The following TAFA2 variants were observed in gnomAD, a reference collection of about 807,000 sequenced individuals.
TAFA2 encodes chemokine-like protein TAFA-2.
Under a neutral mutation model 18.8 loss-of-function variants are expected in TAFA2, and 7 were observed. That is an observed-to-expected ratio of 0.37 (90% CI 0.21 to 0.70). TAFA2 has a LOEUF of 0.70. Among genes scored for constraint, TAFA2 ranks in the 30% least tolerant of loss-of-function variants. TAFA2 has a pLI of 0.53. For synonymous variants in TAFA2, 60 were observed against 54.2 expected (o/e 1.11, Z -0.47); for missense variants, 122 against 158.1 (o/e 0.77, Z 1.23).
chr12:61,927,424 G>C (rs1877351268), intron 1 of TAFA2, among the ~76,000 whole-genome samples: 1 of 152,032 alleles, frequency 6.6e-6, no homozygotes, highest in African/African-American at 2.4e-5. Flanking sequence ...TAGCTACAAA[G>C]AGAATAAAAT....
chr12:61,892,698 G>A (rs1490629036), intron 1 of TAFA2, among the ~76,000 whole-genome samples: 3 of 152,130 alleles, frequency 2.0e-5, no homozygotes, highest in Non-Finnish European at 4.4e-5. Flanking sequence ...TATTACCTGG[G>A]TATGGTGGCA....
intron 4 of TAFA2, among the ~76,000 whole-genome samples, chr12:61,724,383 T>G (rs960442066): frequency 1.3e-5 from 2 of 151,778 alleles, no homozygotes; most frequent in African/African-American, 2.4e-5. Flanking sequence ...CTTCCTTCCT[T>G]TCTTCCTTCC....
intron 1 of TAFA2, among the ~76,000 whole-genome samples, chr12:61,871,338 A>G (rs1475733898): frequency 1.3e-5 from 2 of 152,180 alleles, no homozygotes; most frequent in African/African-American, 4.8e-5. Flanking sequence ...ACAGCACAAA[A>G]GGAGGGACAT....
At chr12:61,801,670 C>T (rs1367431979) in intron 2 of TAFA2, among the ~76,000 whole-genome samples, 3 of 151,870 alleles carry the variant, frequency 2.0e-5, no homozygotes, top group South Asian at 4.1e-4. Flanking sequence ...AAGAAAGCAT[C>T]GGGGTAATGC....
At chr12:61,938,473 T>A (rs956368088) in intron 1 of TAFA2, among the ~76,000 whole-genome samples, 2 of 151,950 alleles carry the variant, frequency 1.3e-5, no homozygotes, top group South Asian at 2.1e-4. Flanking sequence ...TACTTGAGGG[T>A]GGAGAATAAG....
chr12:61,804,354 T>C (rs1356158776), intron 2 of TAFA2, among the ~76,000 whole-genome samples: 1 of 152,038 alleles, frequency 6.6e-6, no homozygotes, highest in Non-Finnish European at 1.5e-5. Context: ...TTGCCATAAA[T>C]GAAGACATTC....
intron 1 of TAFA2, among the ~76,000 whole-genome samples, chr12:62,107,237 A>T (rs924187107): frequency 2.3e-4 from 28 of 124,426 alleles, no homozygotes; most frequent in East Asian, 1.0e-3. Context: ...ACACTTTTTT[A>T]AAAAAGGGAT....
At chr12:62,143,869 C>G (rs1449666949) in intron 1 of TAFA2, among the ~76,000 whole-genome samples, 1 of 150,870 alleles carries the variant, frequency 6.6e-6, no homozygotes, top group Non-Finnish European at 1.5e-5. Context: ...GTGGCAAAAC[C>G]CTCTCTCTAC....
At chr12:62,193,985 G>T (rs1444712828), upstream of TAFA2, among the ~76,000 whole-genome samples, 1 of 152,086 alleles carries the variant, frequency 6.6e-6, no homozygotes, top group Non-Finnish European at 1.5e-5. Context: ...GTAACTAATT[G>T]CTCTATGGCA....
chr12:61,794,033 A>G (rs1450487977), intron 2 of TAFA2, among the ~76,000 whole-genome samples: 2 of 151,962 alleles, frequency 1.3e-5, no homozygotes, highest in African/African-American at 2.4e-5. Context: ...TCAGCAAACT[A>G]GGTATAGAAA....
intron 1 of TAFA2, among the ~76,000 whole-genome samples, chr12:61,976,617 C>T (rs1407526071): frequency 2.6e-5 from 4 of 151,844 alleles, no homozygotes; most frequent in Admixed American, 2.6e-4. Flanking sequence ...TATATATGTG[C>T]CATGTTGGTG....
intron 4 of TAFA2, among the ~76,000 whole-genome samples, chr12:61,721,927 C>G (rs1869919948): frequency 7.4e-6 from 1 of 135,192 alleles, no homozygotes; most frequent in Non-Finnish European, 1.7e-5. Flanking sequence ...TGCACTCCAG[C>G]CTGGGTGACA....
At chr12:62,213,082 G>A (rs1442942184) in intron 1 of TAFA2, among the ~76,000 whole-genome samples, 2 of 152,128 alleles carry the variant, frequency 1.3e-5, no homozygotes, top group East Asian at 1.9e-4. Context: ...TCATACCCGG[G>A]AGCCACTATA....
At chr12:61,974,635 C>A (rs973695703) in intron 1 of TAFA2, among the ~76,000 whole-genome samples, 1 of 151,776 alleles carries the variant, frequency 6.6e-6, no homozygotes, top group Non-Finnish European at 1.5e-5. Context: ...GTTGCAGCAG[C>A]AGTGCCACCA....
intron 1 of TAFA2, among the ~76,000 whole-genome samples, chr12:61,948,748 G>T (rs1327976621): frequency 6.6e-6 from 1 of 152,168 alleles, no homozygotes; most frequent in Non-Finnish European, 1.5e-5. Flanking sequence ...TTGGGTGTTT[G>T]CATTGTAATC....
intron 1 of TAFA2, among the ~76,000 whole-genome samples, chr12:62,202,821 C>CTTT (rs71083986): frequency 0.13 from 7,939 of 61,584 alleles, 2,009 homozygotes; most frequent in East Asian, 0.21. Context: ...CTGTGTGGTT[C>CTTT]TTTTTTTTTT....
At chr12:61,971,914 A>T (rs777400738) in intron 1 of TAFA2, among the ~76,000 whole-genome samples, 20 of 151,820 alleles carry the variant, frequency 1.3e-4, no homozygotes, top group Non-Finnish European at 2.8e-4. Context: ...CTGGCTTAAC[A>T]ATAAACTTAC....
At chr12:61,778,585 A>C (rs1870371054) in intron 2 of TAFA2, among the ~76,000 whole-genome samples, 1 of 151,864 alleles carries the variant, frequency 6.6e-6, no homozygotes, top group Non-Finnish European at 1.5e-5. Context: ...TAGACAAAGG[A>C]AAGACAAATG....
intron 1 of TAFA2, among the ~76,000 whole-genome samples, chr12:62,215,277 A>G (rs2062729662): frequency 2.6e-5 from 4 of 152,318 alleles, no homozygotes; most frequent in Non-Finnish European, 5.9e-5. Flanking sequence ...TGCAGTCACC[A>G]AAAGCAGCCC....
Sources: gnomAD v4.1 joint callset for allele counts (sites outside exome capture counted in the v4.1 genomes callset) on GRCh38, gnomAD v4.1.1 for gene constraint, MANE v1.5 for transcripts, NCBI Gene and HGNC (gene_info 2026-07-23, HGNC 2026-07-21) for gene names.